EPX: variants seen among roughly 807,000 people sequenced by gnomAD.
EPX encodes the protein eosinophil peroxidase.
Under a neutral mutation model 73.0 loss-of-function variants are expected in EPX, and 60 were observed. The observed-to-expected ratio is 0.82, with a 90% confidence interval of 0.67 to 1.02. The LOEUF is 1.02. Ranked by LOEUF, EPX falls within the 50% of genes least tolerant of loss-of-function variation. The probability of loss-of-function intolerance (pLI) is 0.00; values close to 1 mark genes in which losing one functional copy is unlikely to be tolerated. For missense variants in EPX, 950 were observed against 973.9 expected (o/e 0.98, Z 0.33); for synonymous variants, 347 against 389.2 (o/e 0.89, Z 1.28).
intron 11 of EPX, among the ~76,000 whole-genome samples, chr17:58,203,842 G>A (rs1968381078): frequency 7.0e-6 from 1 of 142,500 alleles, no homozygotes; most frequent in East Asian, 2.1e-4. Flanking sequence ...TGAGGCAGGA[G>A]AATGGCGTGA....
chr17:58,200,245 CG>C lies in EPX; in HGVS notation c.1562del (p.Gly521AlafsTer9). The C allele has an allele frequency of 6.2e-7, 1 of 1,614,144 alleles. No homozygotes were observed. The highest frequency in any genetic ancestry group is 1.6e-4 in the Middle Eastern group (1 of 6,062). ...ACCAGGGGGCATCGACCCCATCCTC[CG>C]GGGCCTCATGGCCACCCCTGCCAAG... is the stretch of plus-strand genomic sequence containing the variant. ...VYEGGIDPILRGLMATPAKLN... is the reference protein window; with the variant it reads ...VYEGGIDPILXGLMATPAKLN... On this transcript the variant is annotated frameshift_variant, in exon 10 of 13. Coordinates refer to ENST00000225371, the MANE Select transcript of EPX (RefSeq NM_000502.6). LOFTEE classifies it high-confidence loss of function.
chr17:58,195,001 A>G lies in EPX; in HGVS notation c.632A>G (p.Asn211Ser), dbSNP rs148671148. ...AVSNQIVRFP[N>S]ERLTSDRGRA... is the part of the protein sequence containing the mutation. ...TCCAACCAGATTGTGCGCTTCCCCAATGAGAGACTGACCTCCGACCGTGGC... is the reference window on the plus strand; with the variant it reads ...TCCAACCAGATTGTGCGCTTCCCCAGTGAGAGACTGACCTCCGACCGTGGC... The change falls in exon 6 of 13, where the codon AAT becomes AGT. Residue 211 changes from asparagine to serine, a missense_variant. By Grantham distance (46) the Asn-to-Ser change is conservative. Coordinates refer to ENST00000225371, the MANE Select transcript of EPX (RefSeq NM_000502.6). 176 of 1,613,964 alleles carry G rather than the reference A, an allele frequency of 1.1e-4. 1 individual carries two copies. The Middle Eastern group carries it at 1.8e-3, about 17-fold the overall frequency.
chr17:58,193,803 C>G lies in EPX; in HGVS notation c.436C>G (p.Arg146Gly). ...DQAERCSDKY[R>G]TITGRCNNKR... ...GGCCGAGCGCTGCAGCGACAAGTACCGCACCATCACTGGACGGTGCAACAA... is the reference window on the plus strand; with the variant it reads ...GGCCGAGCGCTGCAGCGACAAGTACGGCACCATCACTGGACGGTGCAACAA... The change falls in exon 4 of 13, where the codon CGC becomes GGC. Residue 146 changes from arginine to glycine, a missense_variant. Coordinates refer to ENST00000225371, the MANE Select transcript of EPX (RefSeq NM_000502.6). 6.2e-7 allele frequency: 1 copy of G among 1,612,992 alleles called. No homozygotes were observed. The highest frequency in any genetic ancestry group is 8.5e-7 in the Non-Finnish European group (1 of 1,179,334).
chr17:58,203,967 A>AG (rs1968387117), intron 11 of EPX, among the ~76,000 whole-genome samples: 1 of 140,240 alleles, frequency 7.1e-6, no homozygotes, highest in Non-Finnish European at 1.5e-5. Flanking sequence ...AAAAAAAAAA[A>AG]AAAGACCTGT....
chr17:58,202,884 C>A (rs1968360083), intron 10 of EPX, 197 bp from the exon 11 acceptor site: 1 of 633,202 alleles, frequency 1.6e-6, no homozygotes, highest in Non-Finnish European at 2.9e-6. Flanking sequence ...ACACTGAGCA[C>A]AGTTGTCCAC....
chr17:58,193,844 C>T lies in EPX; in HGVS notation c.464+13C>T, dbSNP rs746416640. 30 of 1,601,122 alleles carry T rather than the reference C, an allele frequency of 1.9e-5. No individual in the cohort carries two copies. Among genetic ancestry groups the T allele is most frequent in the East Asian group, 1.1e-4 (5 of 44,760 alleles). On this transcript the variant is annotated intron_variant, in intron 4 of 12. Coordinates refer to ENST00000225371, the MANE Select transcript of EPX (RefSeq NM_000502.6). ...GGTGCAACAACAAGTGCGTGCGGGGCGGCAGGAGGGGCTGCCCCTGCCTGG... is the reference window on the plus strand; with the variant it reads ...GGTGCAACAACAAGTGCGTGCGGGGTGGCAGGAGGGGCTGCCCCTGCCTGG...
At chr17:58,204,482 A>C in intron 12 of EPX, 48 bp downstream of exon 12, 8 of 1,172,154 alleles carry the variant, frequency 6.8e-6, no homozygotes, top group Non-Finnish European at 1.0e-5. Flanking sequence ...AAGCCCTCAC[A>C]TCCTTCCCTG....
At position 58,200,383 on chromosome 17, in the gene EPX, C is replaced by G; in HGVS notation, c.1696C>G (p.His566Asp). The part of the protein sequence containing the change: ...AALNMQRSRD[H>D]GLPGYNAWRR... ...TCTCAACATGCAACGAAGCCGGGAC[C>G]ACGGCCTTCCAGGTGAGGGGGCTGT... The change falls in exon 10 of 13, where the codon CAC becomes GAC. Residue 566 changes from histidine (H) to aspartate (D), a missense_variant. By Grantham distance (81) the His-to-Asp change is moderately conservative. Coordinates refer to ENST00000225371, the MANE Select transcript of EPX (RefSeq NM_000502.6). 1 of 1,614,130 alleles carries G rather than the reference C, an allele frequency of 6.2e-7. No homozygotes were observed. The highest frequency in any genetic ancestry group is 8.5e-7 in the Non-Finnish European group (1 of 1,180,034).
chr17:58,192,824 G>A lies in EPX; in HGVS notation c.-23G>A. ...GGCTGTGGATGTCACTCACTTCCCA[G>A]CTGGTGAAGCCTCGCTGCAGAGATG... On this transcript the variant is annotated 5_prime_UTR_variant, in exon 1 of 13. Transcript: ENST00000225371. 1 of 1,610,270 alleles carries A rather than the reference G, an allele frequency of 6.2e-7. No individual in the cohort carries two copies. Among genetic ancestry groups the A allele is most frequent in the South Asian group, 1.1e-5 (1 of 90,660 alleles).
intron 8 of EPX, 97 bp from the exon 9 acceptor site, chr17:58,199,442 G>T (rs573026111): frequency 1.7e-5 from 23 of 1,374,592 alleles, no homozygotes; most frequent in Non-Finnish European, 2.2e-5. Flanking sequence ...CACATTTGAC[G>T]TGATGACAAT....
chr17:58,193,177 G>T, intron 2 of EPX, 46 bp downstream of exon 2: 1 of 1,415,318 alleles, frequency 7.1e-7, no homozygotes, highest in South Asian at 1.1e-5. Flanking sequence ...GGATCAGTGA[G>T]GGGCATGGGC....
intron 6 of EPX, among the ~76,000 whole-genome samples, chr17:58,196,429 G>A (rs1366337027): frequency 6.6e-6 from 1 of 152,108 alleles, no homozygotes; most frequent in African/African-American, 2.4e-5. Flanking sequence ...TTTCTATCAA[G>A]CACAGCAGAT....
intron 10 of EPX, among the ~76,000 whole-genome samples, chr17:58,201,283 C>A (rs16942821): frequency 0.012 from 1,826 of 152,320 alleles, 50 homozygotes; most frequent in African/African-American, 0.042. Flanking sequence ...CTCCGGAAAC[C>A]TGAGCTTCTT....
Position 58,204,409 on chromosome 17 carries a change from T to C in EPX, c.2134T>C (p.Trp712Arg). 6.2e-7 allele frequency: 1 copy of C among 1,613,950 alleles called. No individual in the cohort carries two copies. The highest frequency in any genetic ancestry group is 8.5e-7 in the Non-Finnish European group (1 of 1,179,818). ...TATCCCCAGGTTGAACCTATCAGCC[T>C]GGCGAGGGACATGAGGCTTCTGCAG... ...SRIPRLNLSA[W>R]RGT The change falls in exon 12 of 13, where the codon TGG (tryptophan) becomes CGG (arginine). Residue 712 changes from tryptophan to arginine, a missense_variant. Coordinates refer to ENST00000225371, the MANE Select transcript of EPX (RefSeq NM_000502.6).
chr17:58,194,992 G>A lies in EPX; in HGVS notation c.623G>A (p.Arg208His), dbSNP rs200843597. Residue 208 changes from arginine (R) to histidine (H), a missense_variant, in exon 6 of 13, where the codon CGC becomes CAC. Physicochemically the swap from Arg to His is conservative, Grantham distance 29. Coordinates refer to ENST00000225371, the MANE Select transcript of EPX (RefSeq NM_000502.6). ...CGGGCTGTCTCCAACCAGATTGTGCGCTTCCCCAATGAGAGACTGACCTCC... is the reference window on the plus strand; with the variant it reads ...CGGGCTGTCTCCAACCAGATTGTGCACTTCCCCAATGAGAGACTGACCTCC... ...LVRAVSNQIVRFPNERLTSDR... is the reference protein window; with the variant it reads ...LVRAVSNQIVHFPNERLTSDR... 1.6e-5 allele frequency: 26 copies of A among 1,613,938 alleles called. No individual in the cohort carries two copies. In the East Asian group the frequency reaches 3.3e-4, roughly 21 times the overall value.
At chr17:58,202,663 C>T (rs1363168784) in intron 10 of EPX, 1 of 276,406 alleles carries the variant, frequency 3.6e-6, no homozygotes, top group Non-Finnish European at 7.1e-6. Flanking sequence ...TATCATTGCT[C>T]TCCATTTGTT....
rs1443625468 is a variant in EPX, at chr17:58,193,980, G to A, written c.482G>A (p.Gly161Glu). The A allele has an allele frequency of 6.2e-7, 1 of 1,612,904 alleles. No homozygotes were observed. Among genetic ancestry groups the A allele is most frequent in the Non-Finnish European group, 8.5e-7 (1 of 1,180,030 alleles). ...RCNNKRRPLLGASNQALARWL... is the reference protein window; with the variant it reads ...RCNNKRRPLLEASNQALARWL... ...GGCTGCAGGAGGAGACCCTTGCTAG[G>A]GGCCTCCAACCAGGCTCTGGCTCGC... Residue 161 changes from glycine to glutamate, a missense_variant, in exon 5 of 13, where the codon GGG (glycine) becomes GAG (glutamate). Gly to Glu is a moderately conservative substitution (Grantham distance 98). Transcript: ENST00000225371.
Position 58,199,518 on chromosome 17 carries a change from T to G in EPX, c.1282-21T>G, listed in dbSNP as rs760292396. 1.9e-5 allele frequency: 30 copies of G among 1,613,968 alleles called. No homozygotes were observed. The Admixed American group carries it at 5.0e-4, about 27-fold the overall frequency. On this transcript the variant is annotated intron_variant, in intron 8 of 12. Coordinates refer to ENST00000225371, the MANE Select transcript of EPX (RefSeq NM_000502.6). ...TGGGTGAGTAGCCTCTGGGGAATGT[T>G]CCTCCTGTCTTCCCTTCCAGATCAT...
chr17:58,200,377 C>T lies in EPX; in HGVS notation c.1690C>T (p.Arg564Trp), dbSNP rs369622374. 1.2e-4 allele frequency: 189 copies of T among 1,614,034 alleles called. No homozygotes were observed. The highest frequency in any genetic ancestry group is 1.5e-4 in the Non-Finnish European group (173 of 1,180,048). The change falls in exon 10 of 13, where the codon CGG becomes TGG. Residue 564 changes from arginine to tryptophan, a missense_variant. By Grantham distance (101) the Arg-to-Trp change is moderately radical. Transcript: ENST00000225371. ...DLAALNMQRSRDHGLPGYNAW... is the reference protein window; with the variant it reads ...DLAALNMQRSWDHGLPGYNAW... ...GGCAGCTCTCAACATGCAACGAAGC[C>T]GGGACCACGGCCTTCCAGGTGAGGG... is the stretch of plus-strand genomic sequence containing the variant.
Sources: gnomAD v4.1 joint callset for allele counts (sites outside exome capture counted in the v4.1 genomes callset) on GRCh38, gnomAD v4.1.1 for gene constraint, MANE v1.5 for transcripts, NCBI Gene and HGNC (gene_info 2026-07-23, HGNC 2026-07-21) for gene names.